CDH13: variants seen among roughly 807,000 people sequenced by gnomAD.
CDH13 encodes the protein cadherin-13.
CDH13 carries 24 observed loss-of-function variants against 63.8 expected under a neutral mutation model. The observed-to-expected ratio is 0.38, with a 90% CI of 0.27 to 0.53. The LOEUF (loss-of-function observed/expected upper bound fraction) is 0.53, where lower values mean the gene tolerates loss of function less well. Among genes scored for constraint, CDH13 ranks in the 20% least tolerant of loss-of-function variants. The probability of loss-of-function intolerance (pLI) is 0.85; values close to 1 mark genes in which losing one functional copy is unlikely to be tolerated. For synonymous variants in CDH13, 503 were observed against 355.3 expected, an observed-to-expected ratio of 1.42 and a Z score of -4.67; for missense variants, 1,049 against 903.1, an observed-to-expected ratio of 1.16 and a Z score of -2.07.
At chr16:83,252,762 G>T (rs905383062) in intron 5 of CDH13, among the ~76,000 whole-genome samples, 1 of 152,082 alleles carries the variant, frequency 6.6e-6, no homozygotes, top group African/African-American at 2.4e-5. Context: ...TAGGAATGCT[G>T]CTCAGTATCC....
At chr16:82,931,039 G>T in intron 2 of CDH13, among the ~76,000 whole-genome samples, 1 of 152,210 alleles carries the variant, frequency 6.6e-6, no homozygotes, top group East Asian at 1.9e-4. Context: ...CTCTGCTGAA[G>T]CTAATTCCAA....
chr16:83,359,592 C>A (rs2091123367), intron 6 of CDH13, among the ~76,000 whole-genome samples: 1 of 152,302 alleles, frequency 6.6e-6, no homozygotes, highest in East Asian at 1.9e-4. Flanking sequence ...TGGTGATAAT[C>A]TTCTGTGGCA....
rs1302204632 is a variant in CDH13 at position 83,010,156 on chromosome 16, A to C, written c.158-21854A>C. On this transcript the variant is annotated intron_variant, in intron 2 of 13. Coordinates refer to ENST00000567109, the MANE Select transcript of CDH13 (RefSeq NM_001257.5). ...GTCTCAAAAAAAAAAAAAAAAAAAA[A>C]AAAAAACAAGAATGGCTCAGGTAGG... 1.4e-5 allele frequency among the ~76,000 whole-genome samples: 2 copies of C among 146,988 alleles called. 1 individual carries two copies. The highest frequency in any genetic ancestry group is 7.1e-3 in the Middle Eastern group (2 of 282).
chr16:82,745,664 G>A (rs990745104), intron 1 of CDH13, among the ~76,000 whole-genome samples: 2 of 152,176 alleles, frequency 1.3e-5, no homozygotes, highest in South Asian at 2.1e-4. Context: ...GTAGGTCATC[G>A]TCACCTTTTT....
chr16:83,030,813 G>A (rs978646967), intron 2 of CDH13, among the ~76,000 whole-genome samples: 5 of 151,758 alleles, frequency 3.3e-5, no homozygotes, highest in African/African-American at 9.7e-5. Context: ...TTCCCAACTT[G>A]TTTCCCAGAG....
intron 6 of CDH13, among the ~76,000 whole-genome samples, chr16:83,421,165 A>T (rs1360715319): frequency 6.6e-6 from 1 of 151,908 alleles, no homozygotes; most frequent in East Asian, 1.9e-4. Context: ...TGGAGGAGAA[A>T]GTGGCATAAG....
intron 1 of CDH13, among the ~76,000 whole-genome samples, chr16:82,833,335 T>C (rs2096588896): frequency 6.6e-6 from 1 of 152,318 alleles, no homozygotes; most frequent in African/African-American, 2.4e-5. Context: ...TTCGTGGAGG[T>C]ATCCAACTTC....
rs145661038 is a variant in CDH13, at chr16:83,162,637, G to A, written c.483+37136G>A. Among the ~76,000 whole-genome samples the A allele has an allele frequency of 4.0e-4, 61 of 151,006 alleles. 1 individual carries two copies. Among genetic ancestry groups the A allele is most frequent in the African/African-American group, 1.2e-3 (51 of 41,440 alleles). On this transcript the variant is annotated intron_variant, in intron 4 of 13. Coordinates refer to ENST00000567109, the MANE Select transcript of CDH13 (RefSeq NM_001257.5). ...TACTGAAGAGGTCCTCAAATTTCAG[G>A]TTGCCTAAACAGTTACTGAATGAGC...
At chr16:83,451,517 T>G (rs1485932840) in intron 6 of CDH13, among the ~76,000 whole-genome samples, 2 of 152,154 alleles carry the variant, frequency 1.3e-5, no homozygotes, top group Non-Finnish European at 2.9e-5. Context: ...TTTTTTCTTT[T>G]GTTTTTGTTT....
chr16:83,325,914 A>G (rs1193616116), intron 5 of CDH13, among the ~76,000 whole-genome samples: 1 of 152,182 alleles, frequency 6.6e-6, no homozygotes, highest in Non-Finnish European at 1.5e-5. Flanking sequence ...GAAGTCCACA[A>G]TGTCCCTTCT....
At chr16:83,788,929 A>C (rs61246914) in intron 13 of CDH13, among the ~76,000 whole-genome samples, 5 of 152,162 alleles carry the variant, frequency 3.3e-5, no homozygotes, top group African/African-American at 1.2e-4. Flanking sequence ...TTCAGCCCCC[A>C]AAAAACAGTT....
rs559770210 is a variant in CDH13, at chr16:83,772,419, C to G, written c.1682-7549C>G. Among the ~76,000 whole-genome samples, 5 of 152,278 alleles carry G rather than the reference C, an allele frequency of 3.3e-5. No individual in the cohort carries two copies. The East Asian group carries it at 9.6e-4, about 29-fold the overall frequency. On this transcript the variant is annotated intron_variant, in intron 11 of 13. Transcript: ENST00000567109. ...AGAATTCTTAGAACACTGGACATCC[C>G]AGAAACACGATAAATTAGCAGACCA... is the stretch of plus-strand genomic sequence containing the variant.
intron 5 of CDH13, among the ~76,000 whole-genome samples, chr16:83,260,739 C>T (rs1463802796): frequency 6.6e-6 from 1 of 152,178 alleles, no homozygotes; most frequent in Admixed American, 6.5e-5. Flanking sequence ...CTCCTTTCTC[C>T]TTCAAGGGCA....
chr16:83,154,475 G>A (rs764859366), intron 4 of CDH13, among the ~76,000 whole-genome samples: 3 of 151,560 alleles, frequency 2.0e-5, no homozygotes, highest in South Asian at 2.1e-4. Context: ...GCTGAGGCAG[G>A]AGAATTGCTT....
chr16:83,037,929 G>A (rs892882871), intron 3 of CDH13, among the ~76,000 whole-genome samples: 2 of 152,144 alleles, frequency 1.3e-5, no homozygotes, highest in African/African-American at 2.4e-5. Context: ...CCCATCAATG[G>A]TATAATTTTG....
chr16:83,540,836 G>T (rs1191287525), intron 7 of CDH13, among the ~76,000 whole-genome samples: 2 of 152,138 alleles, frequency 1.3e-5, no homozygotes, highest in Non-Finnish European at 2.9e-5. Context: ...CACCATGTTG[G>T]CCAGGATGGT....
intron 8 of CDH13, among the ~76,000 whole-genome samples, chr16:83,607,558 T>C (rs929778484): frequency 3.3e-5 from 5 of 152,232 alleles, no homozygotes; most frequent in Non-Finnish European, 7.3e-5. Flanking sequence ...TAACAGAGCA[T>C]TTGCTGAACG....
intron 1 of CDH13, among the ~76,000 whole-genome samples, chr16:82,654,404 T>C (rs1466573518): frequency 2.0e-5 from 3 of 152,228 alleles, no homozygotes; most frequent in African/African-American, 7.2e-5. Context: ...TATAACATTG[T>C]GTGAATGTTT....
chr16:83,475,437 G>A (rs1246260856), intron 6 of CDH13, among the ~76,000 whole-genome samples: 1 of 152,226 alleles, frequency 6.6e-6, no homozygotes, highest in Admixed American at 6.5e-5. Context: ...GCCACTTGGA[G>A]AGAGGATCTG....
Sources: allele counts gnomAD v4.1 joint callset (sites outside exome capture counted in the v4.1 genomes callset), GRCh38; gene constraint gnomAD v4.1.1; transcripts MANE v1.5; gene names NCBI Gene and HGNC (gene_info 2026-07-23, HGNC 2026-07-21).